The following HRH1 variants were observed in gnomAD, a reference collection of about 807,000 sequenced individuals.
The protein encoded by HRH1 is histamine H1 receptor.
Under a neutral mutation model 10.3 loss-of-function variants are expected in HRH1, and 6 were observed. That is an observed-to-expected ratio of 0.58 (90% CI 0.32 to 1.15). The LOEUF is 1.15. Among genes scored for constraint, HRH1 ranks in the 50% most tolerant of loss-of-function variants. The pLI is 0.05. For synonymous variants in HRH1, 242 were observed against 236.7 expected (o/e 1.02, Z -0.21); for missense variants, 514 against 615.3 (o/e 0.84, Z 1.74).
At position 11,168,707 on chromosome 3, in the gene HRH1, A is replaced by C. The variant is rs1937095910; in HGVS notation, c.-36+14153A>C. On this transcript the variant is annotated intron_variant, in intron 1 of 1. Coordinates refer to ENST00000431010, the MANE Select transcript of HRH1 (RefSeq NM_001098212.2). ...CCTGGCACAAAGCAGACACACAATG[A>C]TGAGAGGTACTCCTGCTGTGAGGAA... Among the ~76,000 whole-genome samples, 3 of 152,220 alleles carry C rather than the reference A, an allele frequency of 2.0e-5. No homozygotes were observed. The South Asian group carries it at 6.2e-4, about 32-fold the overall frequency.
chr3:11,180,299 T>C (rs971093203), intron 1 of HRH1, among the ~76,000 whole-genome samples: 1 of 152,168 alleles, frequency 6.6e-6, no homozygotes, highest in Admixed American at 6.5e-5. Flanking sequence ...ACCAGTTTCA[T>C]GGAAGACAAT....
chr3:11,219,710 A>G (rs974620993), intron 1 of HRH1, among the ~76,000 whole-genome samples: 7 of 108,308 alleles, frequency 6.5e-5, no homozygotes, highest in Non-Finnish European at 1.1e-4. Context: ...TTGAGACTTC[A>G]TCTCAAAAAA....
chr3:11,144,746 C>A (rs1010003372), intron 1 of HRH1, among the ~76,000 whole-genome samples: 1 of 151,810 alleles, frequency 6.6e-6, no homozygotes, highest in Non-Finnish European at 1.5e-5. Context: ...AACATCTGGC[C>A]AACCACGACA....
chr3:11,231,896 G>A (rs1437006776), intron 1 of HRH1, among the ~76,000 whole-genome samples: 6 of 151,608 alleles, frequency 4.0e-5, no homozygotes, highest in Non-Finnish European at 8.8e-5. Context: ...ATAACGTTTT[G>A]CTTAGCTGTG....
chr3:11,178,064 G>T (rs1256287648), intron 1 of HRH1, among the ~76,000 whole-genome samples: 1 of 152,190 alleles, frequency 6.6e-6, no homozygotes, highest in African/African-American at 2.4e-5. Context: ...AGAAGAGGTG[G>T]TGTGATGACA....
chr3:11,201,211 A>G (rs1937893587), intron 1 of HRH1, among the ~76,000 whole-genome samples: 1 of 152,214 alleles, frequency 6.6e-6, no homozygotes, highest in South Asian at 2.1e-4. Flanking sequence ...AGCAGAGTGC[A>G]CATAAACCAA....
chr3:11,190,421 C>T (rs1044586833), intron 1 of HRH1, among the ~76,000 whole-genome samples: 1 of 151,726 alleles, frequency 6.6e-6, no homozygotes, highest in Non-Finnish European at 1.5e-5. Flanking sequence ...ATCACTCTGT[C>T]ACCCAGGCTG....
chr3:11,221,354 A>C (rs1008856224), intron 1 of HRH1, among the ~76,000 whole-genome samples: 1 of 151,996 alleles, frequency 6.6e-6, no homozygotes, highest in African/African-American at 2.4e-5. Context: ...GGAGTTTAAG[A>C]CCAGCCTGGG....
At chr3:11,177,253 T>TTAAATAAATAAATAAA (rs201560218) in intron 1 of HRH1, among the ~76,000 whole-genome samples, 2,297 of 149,386 alleles carry the variant, frequency 0.015, 57 homozygotes, top group African/African-American at 0.049. Context: ...AATAAATAAA[T>TTAAATAAATAAATAAA]TAAATAAATA....
At chr3:11,248,629 G>A (rs1033370263) in intron 1 of HRH1, among the ~76,000 whole-genome samples, 1 of 152,222 alleles carries the variant, frequency 6.6e-6, no homozygotes, top group Non-Finnish European at 1.5e-5. Context: ...TGATTGGTAA[G>A]CTCTTGAAAA....
chr3:11,260,803 C>G lies in HRH1; in HGVS notation c.*302C>G, dbSNP rs201791741. 6.5e-6 allele frequency: 2 copies of G among 307,738 alleles called. No homozygotes were observed. The highest frequency in any genetic ancestry group is 1.3e-5 in the Non-Finnish European group (2 of 157,342). The allele number at this position is 307,738 out of a possible 1,614,324, so 19.1% of individuals were successfully genotyped here. On this transcript the variant is annotated 3_prime_UTR_variant, in exon 2 of 2. Coordinates refer to ENST00000431010, the MANE Select transcript of HRH1 (RefSeq NM_001098212.2). ...AAATAAAAGAGAGAGAGAATCAGAC[C>G]TGGGTGGAACTCTCCTGCTCCTCAG...
chr3:11,203,799 C>T (rs114641288), intron 1 of HRH1, among the ~76,000 whole-genome samples: 347 of 152,318 alleles, frequency 2.3e-3, no homozygotes, highest in African/African-American at 8.1e-3. Context: ...CTTTGCTCTT[C>T]TCCCTCAATA....
rs58149660 is a variant in HRH1 at position 11,223,183 on chromosome 3, CAAAAAAAAAAAA to C, written c.-35-35803_-35-35792del. 7.5e-4 allele frequency among the ~76,000 whole-genome samples: 20 copies of C among 26,810 alleles called. No individual in the cohort carries two copies. In the South Asian group the frequency reaches 0.018, roughly 24 times the overall value. 17.6% of individuals were successfully genotyped at this position (26,810 alleles called of 152,430 possible). On this transcript the variant is annotated intron_variant, in intron 1 of 1. Transcript: ENST00000431010. ...CTGGCGACAAAGCGAGACTTCGTCT[CAAAAAAAAAAAA>C]AAAAAAAAAAAAAAAAGTCCAGGCA... is the stretch of plus-strand genomic sequence containing the variant.
chr3:11,238,883 A>G (rs1939259102), intron 1 of HRH1, among the ~76,000 whole-genome samples: 1 of 152,216 alleles, frequency 6.6e-6, no homozygotes, highest in African/African-American at 2.4e-5. Context: ...TTTATTGACA[A>G]ATGGACCACA....
chr3:11,203,211 T>C (rs1937995704), intron 1 of HRH1, among the ~76,000 whole-genome samples: 1 of 152,242 alleles, frequency 6.6e-6, no homozygotes, highest in Non-Finnish European at 1.5e-5. Flanking sequence ...TAAAGCTGCT[T>C]TAAACACTCG....
At chr3:11,190,145 A>T (rs1014920071) in intron 1 of HRH1, among the ~76,000 whole-genome samples, 2 of 152,104 alleles carry the variant, frequency 1.3e-5, no homozygotes, top group African/African-American at 4.8e-5. Context: ...CCAAGGACCC[A>T]GGAATGCCTA....
At chr3:11,203,301 G>T (rs996262920) in intron 1 of HRH1, among the ~76,000 whole-genome samples, 1 of 152,218 alleles carries the variant, frequency 6.6e-6, no homozygotes, top group African/African-American at 2.4e-5. Context: ...TATGGTAAGA[G>T]TATATTTAGT....
chr3:11,230,831 T>C (rs1236857204), intron 1 of HRH1, among the ~76,000 whole-genome samples: 1 of 151,948 alleles, frequency 6.6e-6, no homozygotes, highest in African/African-American at 2.4e-5. Flanking sequence ...AACACTCAGT[T>C]GTAGGAAATA....
chr3:11,171,809 G>A (rs1937156377), intron 1 of HRH1, among the ~76,000 whole-genome samples: 1 of 152,204 alleles, frequency 6.6e-6, no homozygotes, highest in South Asian at 2.1e-4. Flanking sequence ...GTTCCTTGGT[G>A]ACATGTGTTC....
Sources: gnomAD v4.1 joint callset for allele counts (sites outside exome capture counted in the v4.1 genomes callset) on GRCh38, gnomAD v4.1.1 for gene constraint, MANE v1.5 for transcripts, NCBI Gene and HGNC (gene_info 2026-07-23, HGNC 2026-07-21) for gene names.